Variants in LASP1 observed in about 807,000 individuals in gnomAD.
LASP1 encodes the protein LIM and SH3 domain protein 1.
Under a neutral mutation model 38.6 loss-of-function variants are expected in LASP1, and 10 were observed. The ratio of observed to expected loss-of-function variants is 0.26; its 90% CI spans 0.16 to 0.44. The LOEUF (loss-of-function observed/expected upper bound fraction) is 0.44. Ranked by LOEUF, LASP1 falls within the 20% of genes least tolerant of loss-of-function variation. The pLI is 1.00. For synonymous variants in LASP1, 132 were observed against 140.8 expected (o/e 0.94, Z 0.44); for missense variants, 243 against 375.7 (o/e 0.65, Z 2.92).
rs1915241238 is a variant in LASP1, at chr17:38,919,623, G to A, written c.*845G>A. Reference sequence around the variant, plus strand: ...CTAGGCTGGAAGCCATGGTCCCGAAGTGTAGGGCAAGGGTGCCTCAGGACC... The same window carrying A: ...CTAGGCTGGAAGCCATGGTCCCGAAATGTAGGGCAAGGGTGCCTCAGGACC... On this transcript the variant is annotated 3_prime_UTR_variant, in exon 7 of 7. Coordinates refer to ENST00000318008, the MANE Select transcript of LASP1 (RefSeq NM_006148.4). The A allele has an allele frequency of 3.4e-6, 1 of 292,240 alleles. No homozygotes were observed. Among genetic ancestry groups the A allele is most frequent in the Non-Finnish European group, 6.6e-6 (1 of 150,824 alleles). 18.1% of individuals were successfully genotyped at this position (292,240 alleles called of 1,614,324 possible).
At chr17:38,907,032 C>T (rs572413491) in intron 4 of LASP1, among the ~76,000 whole-genome samples, 44 of 152,324 alleles carry the variant, frequency 2.9e-4, no homozygotes, top group African/African-American at 9.9e-4. Context: ...GAGCCAGGCC[C>T]TTGGAAGCTG....
intron 4 of LASP1, among the ~76,000 whole-genome samples, chr17:38,910,140 A>G (rs1161158199): frequency 6.6e-6 from 1 of 152,262 alleles, no homozygotes; most frequent in Admixed American, 6.5e-5. Flanking sequence ...CTTATAAAAT[A>G]CACATAATTC....
At chr17:38,902,250 A>G (rs932040304) in intron 4 of LASP1, among the ~76,000 whole-genome samples, 3 of 150,814 alleles carry the variant, frequency 2.0e-5, no homozygotes, top group Non-Finnish European at 1.5e-5. Context: ...TTGCAGAGAC[A>G]CTATCTTGCT....
chr17:38,916,594 G>T (rs911584717), intron 6 of LASP1: 5 of 150,778 alleles, frequency 3.3e-5, no homozygotes, highest in African/African-American at 1.2e-4. Flanking sequence ...GGGTGCGATG[G>T]CTCACACCTG....
chr17:38,909,662 G>A (rs913788968), intron 4 of LASP1, among the ~76,000 whole-genome samples: 2 of 152,040 alleles, frequency 1.3e-5, no homozygotes, highest in African/African-American at 4.8e-5. Flanking sequence ...GGTCATCAAG[G>A]TGTGGGACAG....
rs1915257059 is a variant in LASP1, at chr17:38,920,094, T to C, written c.*1316T>C. On this transcript the variant is annotated 3_prime_UTR_variant, in exon 7 of 7. Coordinates refer to ENST00000318008, the MANE Select transcript of LASP1 (RefSeq NM_006148.4). ...TCTCTGAGTGGAGGAAGCCCACCAA[T>C]CTGCCCTTTGCAGTGTGCAGGGTGG... The C allele has an allele frequency of 5.6e-6, 3 of 536,790 alleles. No homozygotes were observed. Among genetic ancestry groups the C allele is most frequent in the African/African-American group, 1.9e-5 (1 of 53,944 alleles). 33.3% of individuals were successfully genotyped at this position (536,790 alleles called of 1,614,324 possible). A position where few individuals can be genotyped will look rare whatever the true frequency, so the allele number is the denominator to read the frequency against.
chr17:38,905,258 G>A (rs1051386961), intron 4 of LASP1, among the ~76,000 whole-genome samples: 6 of 152,130 alleles, frequency 3.9e-5, no homozygotes, highest in Admixed American at 2.0e-4. Context: ...CCGGGCCGTG[G>A]TGGTTCACAC....
chr17:38,898,503 A>G lies in LASP1; in HGVS notation c.341A>G (p.Gln114Arg). 6.4e-7 allele frequency: 1 copy of G among 1,551,122 alleles called. No individual in the cohort carries two copies. Among genetic ancestry groups the G allele is most frequent in the Non-Finnish European group, 8.7e-7 (1 of 1,146,422 alleles). The change falls in exon 4 of 7, where the codon CAG (glutamine) becomes CGG (arginine). Residue 114 changes from glutamine to arginine, a missense_variant. Transcript: ENST00000318008. ...GAGCTCCAGAGAATCAAGAAGACCC[A>G]GGACCAGATCAGTAACGTGAGCTCT... ...TPELQRIKKTQDQISNIKYHE... is the reference protein window; with the variant it reads ...TPELQRIKKTRDQISNIKYHE...
intron 4 of LASP1, among the ~76,000 whole-genome samples, chr17:38,901,441 T>C (rs1326053890): frequency 1.3e-5 from 2 of 152,204 alleles, no homozygotes; most frequent in African/African-American, 4.8e-5. Flanking sequence ...CAGAGACCTG[T>C]AGGGTGTGAA....
rs1462309754 is a variant in LASP1 at position 38,919,644 on chromosome 17, G to C, written c.*866G>C. 1.2e-5 allele frequency: 4 copies of C among 325,674 alleles called. No individual in the cohort carries two copies. Among genetic ancestry groups the C allele is most frequent in the Non-Finnish European group, 2.4e-5 (4 of 169,224 alleles). The allele number at this position is 325,674 out of a possible 1,614,324, so 20.2% of individuals were successfully genotyped here. On this transcript the variant is annotated 3_prime_UTR_variant, in exon 7 of 7. Transcript: ENST00000318008. ...CGAAGTGTAGGGCAAGGGTGCCTCA[G>C]GACCTTTTGGTCTTCAGCCTCCCTC...
intron 4 of LASP1, 30 bp from the exon 5 acceptor site, chr17:38,914,295 C>T: frequency 1.9e-6 from 3 of 1,585,260 alleles, no homozygotes; most frequent in South Asian, 1.1e-5. Flanking sequence ...TGCAGTGGGA[C>T]CCTTCACCTA....
intron 2 of LASP1, among the ~76,000 whole-genome samples, chr17:38,889,647 T>C (rs226233): frequency 0.66 from 99,915 of 152,108 alleles, 33,959 homozygotes; most frequent in African/African-American, 0.82. Context: ...TCAGGCCATG[T>C]GTATGAGGTA....
intron 4 of LASP1, among the ~76,000 whole-genome samples, chr17:38,907,658 A>G (rs1914811585): frequency 6.6e-6 from 1 of 152,122 alleles, no homozygotes; most frequent in Admixed American, 6.5e-5. Flanking sequence ...AGAGGTTGTT[A>G]ACATTGATAG....
chr17:38,889,377 G>A (rs930921183), intron 2 of LASP1, among the ~76,000 whole-genome samples: 1 of 152,092 alleles, frequency 6.6e-6, no homozygotes, highest in Admixed American at 6.5e-5. Context: ...TGATCTGCCC[G>A]CCTCGGCCTC....
At chr17:38,878,296 C>T in intron 2 of LASP1, 116 bp downstream of exon 2, 1 of 687,110 alleles carries the variant, frequency 1.5e-6, no homozygotes, top group Non-Finnish European at 2.6e-6. Context: ...CCATCCCCTA[C>T]TTGAACATCA....
intron 6 of LASP1, chr17:38,916,372 C>G (rs12601606): frequency 0.34 from 51,250 of 151,282 alleles, 9,337 homozygotes; most frequent in African/African-American, 0.49. Flanking sequence ...TCAGCCTGGC[C>G]AACATGGTGA....
rs573119027 is a variant in LASP1, at chr17:38,918,167, G to T, written c.613-438G>T. On this transcript the variant is annotated intron_variant, in intron 6 of 6. Coordinates refer to ENST00000318008, the MANE Select transcript of LASP1 (RefSeq NM_006148.4). The surrounding 1 kb of genome is among the most constrained non-coding windows in gnomAD (Gnocchi z 4.4). Reference sequence around the variant, plus strand: ...AAAAAAAAAAAAAAAGAGGGAGTTGGGGGGTCTTACTGTGTTTCCCAGGCT... The same window carrying T: ...AAAAAAAAAAAAAAAGAGGGAGTTGTGGGGTCTTACTGTGTTTCCCAGGCT... Among the ~76,000 whole-genome samples, 2 of 152,000 alleles carry T rather than the reference G, an allele frequency of 1.3e-5. No individual in the cohort carries two copies. Among genetic ancestry groups the T allele is most frequent in the Admixed American group, 6.6e-5 (1 of 15,256 alleles).
rs149929835 is a variant in LASP1, at chr17:38,878,377, T to C, written c.164+197T>C. On this transcript the variant is annotated intron_variant, in intron 2 of 6. Transcript: ENST00000318008. ...CCATTTAAAGTGCTTTTATCCCCCA[T>C]TTAAAGTGCATTTAAAGTACAGATG... Among the ~76,000 whole-genome samples, 607 of 152,234 alleles carry C rather than the reference T, an allele frequency of 4.0e-3. 4 individuals are homozygous for C. Among genetic ancestry groups the C allele is most frequent in the Middle Eastern group, 6.8e-3 (2 of 294 alleles).
intron 2 of LASP1, among the ~76,000 whole-genome samples, chr17:38,886,106 C>T (rs1340337277): frequency 6.6e-6 from 1 of 151,854 alleles, no homozygotes; most frequent in Non-Finnish European, 1.5e-5. Flanking sequence ...CACTCATTCT[C>T]TCTCACTCGC....
Sources: gnomAD v4.1 joint callset for allele counts (sites outside exome capture counted in the v4.1 genomes callset) on GRCh38, gnomAD v4.1.1 for gene constraint, Gnocchi (gnomAD v3.1) non-coding constraint, MANE v1.5 for transcripts, NCBI Gene and HGNC (gene_info 2026-07-23, HGNC 2026-07-21) for gene names.